PCDH7: variants seen among roughly 807,000 people sequenced by gnomAD.
PCDH7 encodes the protein protocadherin 7.
In PCDH7, 17 loss-of-function variants were observed where a neutral mutation model predicts 58.9. The ratio of observed to expected loss-of-function variants is 0.29; its 90% CI spans 0.20 to 0.43. The LOEUF is 0.43. Ranked by LOEUF, PCDH7 falls within the 20% of genes least tolerant of loss-of-function variation. The probability of loss-of-function intolerance (pLI) is 1.00; values close to 1 mark genes in which losing one functional copy is unlikely to be tolerated. For synonymous variants in PCDH7, 664 were observed against 616.4 expected (o/e 1.08, Z -1.14); for missense variants, 1,274 against 1,441.0 (o/e 0.88, Z 1.88).
At chr4:30,954,369 G>T (rs1578403785) in intron 3 of PCDH7, among the ~76,000 whole-genome samples, 1 of 151,888 alleles carries the variant, frequency 6.6e-6, no homozygotes, top group Non-Finnish European at 1.5e-5. Flanking sequence ...ATTATATTGT[G>T]TGACTTTGTA....
Position 31,139,983 on chromosome 4 carries a change from T to C in PCDH7, c.*8-2490T>C, listed in dbSNP as rs115688136. Reference sequence around the variant, plus strand: ...ATGATGGCACAGAAGACAAGCTGCCTTTCGTTAAAAGCAATAGAGGAAATC... The same window carrying C: ...ATGATGGCACAGAAGACAAGCTGCCCTTCGTTAAAAGCAATAGAGGAAATC... On this transcript the variant is annotated intron_variant, in intron 3 of 3. Coordinates refer to the PCDH7 transcript ENST00000509759. 4.6e-3 allele frequency among the ~76,000 whole-genome samples: 704 copies of C among 152,278 alleles called. 4 individuals are homozygous for C. The highest frequency in any genetic ancestry group is 5.6e-3 in the South Asian group (27 of 4,832).
At chr4:30,993,153 T>A (rs192621715) in intron 3 of PCDH7, among the ~76,000 whole-genome samples, 4 of 152,152 alleles carry the variant, frequency 2.6e-5, no homozygotes, top group Non-Finnish European at 5.9e-5. Flanking sequence ...CACTCAGAAC[T>A]TCTATAGATG....
intron 1 of PCDH7, among the ~76,000 whole-genome samples, chr4:30,756,362 T>A (rs1719306173): frequency 1.3e-5 from 2 of 152,014 alleles, no homozygotes; most frequent in Non-Finnish European, 2.9e-5. Context: ...CAACATGAGA[T>A]TTGGTGGGGA....
intron 3 of PCDH7, among the ~76,000 whole-genome samples, chr4:31,048,353 T>G (rs989042169): frequency 1.3e-5 from 2 of 152,028 alleles, no homozygotes; most frequent in African/African-American, 4.8e-5. Flanking sequence ...GTATCACAAT[T>G]TTGGGTAAAA....
At chr4:30,733,788 T>C (rs139447341), downstream of PCDH7, among the ~76,000 whole-genome samples, 14 of 152,212 alleles carry the variant, frequency 9.2e-5, no homozygotes, top group East Asian at 2.7e-3. Context: ...TGAAAAAAAA[T>C]ATTCAGTCAT....
chr4:30,935,416 TCTAA>T (rs2109430495), intron 2 of PCDH7: 1 of 443,080 alleles, frequency 2.3e-6, no homozygotes, highest in African/African-American at 2.1e-5. Flanking sequence ...TACATGGGTC[TCTAA>T]CTACCATGAA....
At chr4:30,957,373 T>G (rs965138730) in intron 3 of PCDH7, among the ~76,000 whole-genome samples, 9 of 152,212 alleles carry the variant, frequency 5.9e-5, no homozygotes, top group Non-Finnish European at 1.3e-4. Context: ...CTCAGGATTT[T>G]AATTCTTTGT....
chr4:30,949,806 T>TA (rs968740631), intron 2 of PCDH7, among the ~76,000 whole-genome samples: 11 of 151,786 alleles, frequency 7.2e-5, no homozygotes, highest in Admixed American at 4.6e-4. Flanking sequence ...TTTTCTGTTG[T>TA]AAAAAAAAGT....
intron 3 of PCDH7, among the ~76,000 whole-genome samples, chr4:31,026,783 A>T (rs1216341722): frequency 1.3e-5 from 2 of 152,172 alleles, no homozygotes; most frequent in Non-Finnish European, 2.9e-5. Context: ...ACATAGACAC[A>T]CATACACACC....
downstream of PCDH7, among the ~76,000 whole-genome samples, chr4:30,733,799 A>C (rs1162753368): frequency 6.6e-6 from 1 of 152,206 alleles, no homozygotes; most frequent in Non-Finnish European, 1.5e-5. Context: ...ATTCAGTCAT[A>C]ATTCAAGAGT....
Position 31,113,495 on chromosome 4 carries a change from A to G in PCDH7, c.*8-28978A>G, listed in dbSNP as rs183719200. On this transcript the variant is annotated intron_variant, in intron 3 of 3. Transcript: ENST00000509759. ...GTAATATTTCCTCCTTTTCCATATA[A>G]ATATATTATCATTTTTAATTTCTGT... Among the ~76,000 whole-genome samples the G allele has an allele frequency of 1.4e-3, 211 of 152,240 alleles. 1 individual carries two copies. Among genetic ancestry groups the G allele is most frequent in the African/African-American group, 4.8e-3 (201 of 41,552 alleles).
chr4:30,836,485 G>T (rs1730498003), intron 1 of PCDH7, among the ~76,000 whole-genome samples: 1 of 152,142 alleles, frequency 6.6e-6, no homozygotes, highest in Non-Finnish European at 1.5e-5. Flanking sequence ...GTAGGAGAAG[G>T]TATTATCATT....
intron 1 of PCDH7, among the ~76,000 whole-genome samples, chr4:30,783,871 A>G (rs796207517): frequency 2.6e-5 from 4 of 152,274 alleles, no homozygotes; most frequent in African/African-American, 9.6e-5. Context: ...ATGGAAGCTG[A>G]GTGAGACACA....
chr4:30,967,364 T>A, intron 3 of PCDH7, among the ~76,000 whole-genome samples: 1 of 152,162 alleles, frequency 6.6e-6, no homozygotes, highest in East Asian at 1.9e-4. Flanking sequence ...AAATAGAATT[T>A]TCTACATATT....
chr4:30,951,655 C>A (rs1747384980), intron 3 of PCDH7, among the ~76,000 whole-genome samples: 1 of 152,108 alleles, frequency 6.6e-6, no homozygotes, highest in Non-Finnish European at 1.5e-5. Flanking sequence ...TGTATGGGCA[C>A]AATGTTAATG....
At chr4:30,956,038 C>CAAAAAAAAAAAACAAAAA (rs111270548) in intron 3 of PCDH7, among the ~76,000 whole-genome samples, 1 of 125,822 alleles carries the variant, frequency 7.9e-6, no homozygotes, top group Non-Finnish European at 1.7e-5. Context: ...CAAAAACAAA[C>CAAAAAAAAAAAACAAAAA]AAAAAAAAAA....
chr4:30,773,971 T>C (rs1721745102), intron 1 of PCDH7, among the ~76,000 whole-genome samples: 1 of 152,198 alleles, frequency 6.6e-6, no homozygotes, highest in African/African-American at 2.4e-5. Context: ...TTAGTGGGAC[T>C]GGAAGTAGCA....
At chr4:30,751,511 T>C (rs1001359222) in intron 1 of PCDH7, among the ~76,000 whole-genome samples, 1 of 152,130 alleles carries the variant, frequency 6.6e-6, no homozygotes, top group African/African-American at 2.4e-5. Flanking sequence ...AACTGTGAAA[T>C]AGCCATAGTT....
At chr4:30,953,561 C>A (rs1478904511) in intron 3 of PCDH7, among the ~76,000 whole-genome samples, 2 of 150,708 alleles carry the variant, frequency 1.3e-5, no homozygotes, top group African/African-American at 4.9e-5. Flanking sequence ...ATTTGAACAC[C>A]TTCAAGGAAA....
Sources: gnomAD v4.1 joint callset for allele counts (sites outside exome capture counted in the v4.1 genomes callset) on GRCh38, gnomAD v4.1.1 for gene constraint, MANE v1.5 for transcripts, NCBI Gene and HGNC (gene_info 2026-07-23, HGNC 2026-07-21) for gene names.